The following MAMLD1 variants were observed in gnomAD, a reference collection of about 807,000 sequenced individuals.
MAMLD1 encodes mastermind like domain containing 1.
A neutral mutation model predicts 45.0 loss-of-function variants in MAMLD1; 14 were observed. The ratio of observed to expected loss-of-function variants is 0.31; its 90% CI spans 0.21 to 0.49. The LOEUF (loss-of-function observed/expected upper bound fraction) is 0.49. Among genes scored for constraint, MAMLD1 ranks in the 20% least tolerant of loss-of-function variants. MAMLD1 has a pLI of 0.99. For synonymous variants in MAMLD1, 254 were observed against 247.8 expected (o/e 1.02, Z -0.24); for missense variants, 543 against 603.6 (o/e 0.90, Z 1.05).
intron 1 of MAMLD1, among the ~76,000 whole-genome samples, chrX:150,377,099 G>C (rs1557401477): frequency 8.8e-6 from 1 of 113,273 alleles, no homozygotes; most frequent in African/African-American, 3.2e-5. Flanking sequence ...CTTTGGGACT[G>C]TATCTCTCAG....
rs1395247191 is a variant in MAMLD1, at chrX:150,504,099, G to A, written c.2284+582G>A. ...GCAGTCTGGGTAGTACAGGCAGAAG[G>A]AATCCAAAGCAAGCTTGTCCAAGAG... On this transcript the variant is annotated intron_variant, in intron 6 of 7. Transcript: ENST00000370401. 1.9e-5 allele frequency: 14 copies of A among 751,236 alleles called. No homozygotes were observed. In the African/African-American group the frequency reaches 3.2e-4, roughly 17 times the overall value. The allele number at this position is 751,236 out of a possible 1,213,427, so 61.9% of individuals were successfully genotyped here.
rs1275323805 is a variant in MAMLD1 at position 150,503,394 on chromosome X, G to C, written c.2161G>C (p.Ala721Pro). ...SESFLPGSSF[A>P]HELARVTSSY... ...GTCCTTCCTGCCCGGCAGCTCCTTT[G>C]CTCATGAGCTGGCCCGAGTCACCTC... Residue 721 changes from alanine to proline, a missense_variant, in exon 6 of 8, where the codon GCT (alanine) becomes CCT (proline). Ala to Pro is a conservative substitution (Grantham distance 27). Transcript: ENST00000370401. 5 of 1,210,710 alleles carry C rather than the reference G, an allele frequency of 4.1e-6. No individual in the cohort carries two copies. Among genetic ancestry groups the C allele is most frequent in the Non-Finnish European group, 5.6e-6 (5 of 895,168 alleles).
intron 1 of MAMLD1, among the ~76,000 whole-genome samples, chrX:150,375,431 C>A (rs1055694670): frequency 8.9e-6 from 1 of 112,483 alleles, no homozygotes; most frequent in African/African-American, 3.2e-5. Context: ...AGAGGGAGAT[C>A]CTGGCCTTGC....
chrX:150,443,209 G>A (rs976466434), intron 1 of MAMLD1, among the ~76,000 whole-genome samples: 4 of 103,207 alleles, frequency 3.9e-5, no homozygotes, highest in Admixed American at 3.1e-4. Context: ...GGAGTTTTCA[G>A]CAATTATGTC....
rs188103621 is a variant in MAMLD1, at chrX:150,364,476, G to T, written c.-64+946G>T. On this transcript the variant is annotated intron_variant, in intron 1 of 7. Transcript: ENST00000370401. ...GCCTCGGGCTGGAGCATTCACTCCC[G>T]CCCCGCCGCGCTTCTGCAGCTGGGT... 5.0e-3 allele frequency among the ~76,000 whole-genome samples: 568 copies of T among 112,910 alleles called. 2 individuals are homozygous for T. The highest frequency in any genetic ancestry group is 9.4e-3 in the Non-Finnish European group (503 of 53,259).
intron 1 of MAMLD1, among the ~76,000 whole-genome samples, chrX:150,369,294 A>G (rs1557400908): frequency 9.0e-6 from 1 of 111,590 alleles, no homozygotes; most frequent in Non-Finnish European, 1.9e-5. Flanking sequence ...CCCCAATCCC[A>G]TGACCTCTGA....
At chrX:150,402,935 G>A (rs1288517704) in intron 1 of MAMLD1, among the ~76,000 whole-genome samples, 11 of 110,307 alleles carry the variant, frequency 1.0e-4, no homozygotes, top group Admixed American at 6.7e-4. Context: ...GGTGGGGGGA[G>A]GAAGGAGGGA....
At chrX:150,364,019 C>T (rs1340964999) in intron 1 of MAMLD1, among the ~76,000 whole-genome samples, 1 of 113,114 alleles carries the variant, frequency 8.8e-6, no homozygotes, top group Non-Finnish European at 1.9e-5. Flanking sequence ...TGTTTGCCGC[C>T]TCTGAGCGAG....
chrX:150,494,198 A>G (rs370096064), intron 5 of MAMLD1, among the ~76,000 whole-genome samples: 13 of 110,841 alleles, frequency 1.2e-4, no homozygotes, highest in African/African-American at 4.3e-4. Flanking sequence ...GTTCGAGACC[A>G]GCCTGGCCAA....
intron 5 of MAMLD1, among the ~76,000 whole-genome samples, chrX:150,475,340 A>T (rs995912788): frequency 8.1e-5 from 9 of 111,599 alleles, no homozygotes; most frequent in Non-Finnish European, 1.5e-4. Flanking sequence ...AAGCACTGAG[A>T]TTACAGGCAG....
At chrX:150,376,364 G>A (rs1320801536) in intron 1 of MAMLD1, among the ~76,000 whole-genome samples, 1 of 111,407 alleles carries the variant, frequency 9.0e-6, no homozygotes, top group Non-Finnish European at 1.9e-5. Context: ...TATTTATGTA[G>A]GACCAAATAA....
chrX:150,507,959 G>A (rs1438563474), intron 6 of MAMLD1, among the ~76,000 whole-genome samples: 1 of 112,338 alleles, frequency 8.9e-6, no homozygotes, highest in Non-Finnish European at 1.9e-5. Context: ...GTTAAGGACC[G>A]TTTAGACCTA....
chrX:150,506,629 G>T (rs887236260), intron 6 of MAMLD1, among the ~76,000 whole-genome samples: 1 of 112,375 alleles, frequency 8.9e-6, no homozygotes, highest in Admixed American at 9.4e-5. Context: ...CCTTTCCCCC[G>T]TTGGAGTCCT....
At chrX:150,435,366 T>A (rs1197773610) in intron 1 of MAMLD1, among the ~76,000 whole-genome samples, 1 of 110,526 alleles carries the variant, frequency 9.0e-6, no homozygotes. Context: ...ATACAAAAAA[T>A]TAGCTGGGCA....
chrX:150,441,173 AT>A (rs1327515420), intron 1 of MAMLD1, among the ~76,000 whole-genome samples: 3 of 108,086 alleles, frequency 2.8e-5, no homozygotes, highest in Non-Finnish European at 5.7e-5. Flanking sequence ...ATTATCGCTA[AT>A]ATTTATCATT....
intron 1 of MAMLD1, among the ~76,000 whole-genome samples, chrX:150,396,847 C>G (rs1293399629): frequency 8.9e-6 from 1 of 111,888 alleles, no homozygotes; most frequent in South Asian, 3.7e-4. Flanking sequence ...ATATGGAAAC[C>G]TATGGAACTC....
chrX:150,493,946 C>T lies in MAMLD1; in HGVS notation c.2041-9328C>T, dbSNP rs782266900. Among the ~76,000 whole-genome samples, 5 of 107,649 alleles carry T rather than the reference C, an allele frequency of 4.6e-5. No individual in the cohort carries two copies. The South Asian group carries it at 2.0e-3, about 44-fold the overall frequency. The allele number at this position is 107,649 out of a possible 115,157, so 93.5% of individuals were successfully genotyped here. A position where few individuals can be genotyped will look rare whatever the true frequency, so the allele number is the denominator to read the frequency against. ...TCCAGAAACAACTACTGTGTGAACA[C>T]ATTGGAGTGCAGTATTTCAGTCATT... On this transcript the variant is annotated intron_variant, in intron 5 of 7. Transcript: ENST00000370401.
rs202172666 is a variant in MAMLD1, at chrX:150,470,361, C to T, written c.788C>T (p.Ser263Leu). The change falls in exon 4 of 8, where the codon TCG (serine) becomes TTG (leucine). Residue 263 changes from serine (S) to leucine (L), a missense_variant. Coordinates refer to ENST00000370401, the MANE Select transcript of MAMLD1 (RefSeq NM_005491.5). ...TCCTCCTCCACAGGGATCAGCTATT[C>T]GATTCCTTCCACCAGTAAGCAGATA... ...IPSSSTGISY[S>L]IPSTSKQIVS... 3.3e-6 allele frequency: 4 copies of T among 1,209,584 alleles called. No homozygotes were observed. The highest frequency in any genetic ancestry group is 1.8e-5 in the South Asian group (1 of 56,784).
intron 1 of MAMLD1, among the ~76,000 whole-genome samples, chrX:150,367,832 A>G (rs2031615568): frequency 9.1e-6 from 1 of 110,237 alleles, no homozygotes; most frequent in African/African-American, 3.3e-5. Context: ...TCCTTGCGAT[A>G]GTTTGCTGAG....
Sources: gnomAD v4.1 joint callset for allele counts (sites outside exome capture counted in the v4.1 genomes callset) on GRCh38, gnomAD v4.1.1 for gene constraint, MANE v1.5 for transcripts, NCBI Gene and HGNC (gene_info 2026-07-23, HGNC 2026-07-21) for gene names.